The following SLC16A12 variants were observed in gnomAD, a reference collection of about 807,000 sequenced individuals.
SLC16A12 encodes the protein solute carrier family 16 member 12, also known as monocarboxylate transporter 12.
In SLC16A12, 17 loss-of-function variants were observed where a neutral mutation model predicts 42.4. The observed-to-expected ratio is 0.40, with a 90% confidence interval of 0.27 to 0.60. The LOEUF (loss-of-function observed/expected upper bound fraction) is 0.60, where lower values mean the gene tolerates loss of function less well. Among genes scored for constraint, SLC16A12 ranks in the 20% least tolerant of loss-of-function variants. The pLI is 0.42. For synonymous variants in SLC16A12, 224 were observed against 229.4 expected (o/e 0.98, Z 0.21); for missense variants, 544 against 623.0 (o/e 0.87, Z 1.35).
intron 2 of SLC16A12, among the ~76,000 whole-genome samples, chr10:89,498,376 G>C (rs957922732): frequency 6.6e-6 from 1 of 152,148 alleles, no homozygotes; most frequent in African/African-American, 2.4e-5. Context: ...AATTGATTGA[G>C]ATTAATTACA....
At chr10:89,454,691 T>C (rs916396413) in intron 3 of SLC16A12, among the ~76,000 whole-genome samples, 7 of 151,986 alleles carry the variant, frequency 4.6e-5, no homozygotes, top group African/African-American at 1.7e-4. Context: ...ACCTCCCACA[T>C]TCTTTAGTCT....
chr10:89,526,379 C>T (rs1843452899), intron 2 of SLC16A12, among the ~76,000 whole-genome samples: 1 of 152,164 alleles, frequency 6.6e-6, no homozygotes, highest in Admixed American at 6.5e-5. Flanking sequence ...TGAACTGAGT[C>T]CCTATACTGA....
chr10:89,436,031 G>A lies in SLC16A12; in HGVS notation c.1288+29C>T, dbSNP rs762923480. On this transcript the variant is annotated intron_variant, in intron 7 of 7. Coordinates refer to ENST00000371790, the MANE Select transcript of SLC16A12 (RefSeq NM_213606.4). ...CACATCAATATGCCAAAGAGAAAAG[G>A]TGGTTGGGGTTTCTCTCTGGAAACT... 9 of 1,613,040 alleles carry A rather than the reference G, an allele frequency of 5.6e-6. No individual in the cohort carries two copies. In the South Asian group the frequency reaches 7.7e-5, roughly 14 times the overall value.
intron 2 of SLC16A12, among the ~76,000 whole-genome samples, chr10:89,540,780 C>A (rs1189188717): frequency 1.3e-5 from 2 of 152,180 alleles, no homozygotes; most frequent in Admixed American, 1.3e-4. Context: ...TGACTCAAAG[C>A]TATGTCATCA....
At position 89,462,392 on chromosome 10, in the gene SLC16A12, G is replaced by T; in HGVS notation, c.187C>A (p.Arg63=). The T allele has an allele frequency of 6.2e-7, 1 of 1,614,022 alleles. No homozygotes were observed. The highest frequency in any genetic ancestry group is 8.5e-7 in the Non-Finnish European group (1 of 1,179,954). The part of the protein sequence containing the change: ...AGCFLVTICT[R]AVTRCISIFF... ...AATCCTACCTACCTTGTGACTGCCC[G>T]TGTGCAGATGGTAACAAGGAAACAG... The change falls in exon 3 of 8, where the codon CGG becomes AGG. Residue 63 remains arginine, a synonymous_variant. Transcript: ENST00000371790.
At chr10:89,483,611 C>T (rs1842700429) in intron 2 of SLC16A12, among the ~76,000 whole-genome samples, 1 of 151,986 alleles carries the variant, frequency 6.6e-6, no homozygotes, top group Non-Finnish European at 1.5e-5. Flanking sequence ...CCTGTAGTTC[C>T]ACCTACTTAA....
At chr10:89,442,977 T>C (rs1564569955) in intron 4 of SLC16A12, among the ~76,000 whole-genome samples, 1 of 152,218 alleles carries the variant, frequency 6.6e-6, no homozygotes, top group Non-Finnish European at 1.5e-5. Context: ...TACAAACAAT[T>C]TGATTTAATC....
chr10:89,498,032 A>G (rs1333802469), intron 2 of SLC16A12, among the ~76,000 whole-genome samples: 1 of 152,184 alleles, frequency 6.6e-6, no homozygotes, highest in Non-Finnish European at 1.5e-5. Context: ...AGTAGGGGCC[A>G]GGCGCGGTGG....
chr10:89,481,652 T>A (rs1314868159), intron 2 of SLC16A12, among the ~76,000 whole-genome samples: 1 of 137,108 alleles, frequency 7.3e-6, no homozygotes, highest in Non-Finnish European at 1.5e-5. Flanking sequence ...CTTGTGTGTG[T>A]GTGTGTGTGT....
upstream of SLC16A12, among the ~76,000 whole-genome samples, chr10:89,537,148 T>G (rs1304548935): frequency 3.4e-5 from 5 of 146,792 alleles, no homozygotes; most frequent in Non-Finnish European, 6.0e-5. Flanking sequence ...TAGGTATGTT[T>G]TTTTTTTTTT....
chr10:89,467,385 C>A (rs928408020), intron 2 of SLC16A12, among the ~76,000 whole-genome samples: 2 of 152,070 alleles, frequency 1.3e-5, no homozygotes, highest in South Asian at 2.1e-4. Context: ...CCTAAGAAAA[C>A]AATGTAAGAG....
At chr10:89,553,446 A>G (rs1472055150) in intron 2 of SLC16A12, among the ~76,000 whole-genome samples, 6 of 152,338 alleles carry the variant, frequency 3.9e-5, no homozygotes, top group East Asian at 1.9e-4. Flanking sequence ...GCCAACTAGC[A>G]TGACTCATTT....
At chr10:89,466,115 C>A (rs958003183) in intron 2 of SLC16A12, among the ~76,000 whole-genome samples, 1 of 152,126 alleles carries the variant, frequency 6.6e-6, no homozygotes, top group African/African-American at 2.4e-5. Context: ...TGTCTCTGAG[C>A]CTCAGTTTAC....
intron 3 of SLC16A12, 34 bp downstream of exon 3, chr10:89,462,345 C>A (rs1220948712): frequency 3.1e-6 from 5 of 1,613,404 alleles, no homozygotes; most frequent in Non-Finnish European, 4.2e-6. Context: ...CAGGCCAGGT[C>A]ATCTTAATAA....
intron 2 of SLC16A12, among the ~76,000 whole-genome samples, chr10:89,508,059 G>A (rs2133833103): frequency 6.6e-6 from 1 of 152,234 alleles, no homozygotes; most frequent in South Asian, 2.1e-4. Flanking sequence ...CCAAACAGGA[G>A]CACCCAGATT....
At chr10:89,501,961 A>G (rs745893153) in intron 2 of SLC16A12, among the ~76,000 whole-genome samples, 1 of 152,178 alleles carries the variant, frequency 6.6e-6, no homozygotes, top group South Asian at 2.1e-4. Context: ...AAATTCCCCA[A>G]TAAATACCTA....
chr10:89,498,350 G>A (rs1651094728), intron 2 of SLC16A12, among the ~76,000 whole-genome samples: 1 of 151,868 alleles, frequency 6.6e-6, no homozygotes, highest in South Asian at 2.1e-4. Flanking sequence ...AGAAGAGAAG[G>A]AAACATTTCT....
chr10:89,462,834 A>G, intron 2 of SLC16A12: 2 of 487,670 alleles, frequency 4.1e-6, no homozygotes, highest in Non-Finnish European at 6.9e-6. Context: ...AGTCAAATGC[A>G]TGTCTACTCT....
rs571858643 is a variant in SLC16A12, at chr10:89,522,201, T to C, written c.-47+12300A>G. Among the ~76,000 whole-genome samples, 7 of 152,346 alleles carry C rather than the reference T, an allele frequency of 4.6e-5. No individual in the cohort carries two copies. In the South Asian group the frequency reaches 1.5e-3, roughly 32 times the overall value. On this transcript the variant is annotated intron_variant, in intron 2 of 7. Coordinates refer to ENST00000371790, the MANE Select transcript of SLC16A12 (RefSeq NM_213606.4). ...AGCCCTCACTTCTGAAATCTAGAGT[T>C]GTATTGAGAATTAAGTATCCTTCTT... is the stretch of plus-strand genomic sequence containing the variant.
Sources: allele counts gnomAD v4.1 joint callset (sites outside exome capture counted in the v4.1 genomes callset), GRCh38; gene constraint gnomAD v4.1.1; transcripts MANE v1.5; gene names NCBI Gene and HGNC (gene_info 2026-07-23, HGNC 2026-07-21).